The following LNX1 variants were observed in gnomAD, a reference collection of about 807,000 sequenced individuals.
The protein encoded by LNX1 is ligand of numb-protein X 1.
Under a neutral mutation model 68.4 loss-of-function variants are expected in LNX1, and 54 were observed. The observed-to-expected ratio is 0.79, with a 90% CI of 0.63 to 0.99. LNX1 has a LOEUF of 0.99. Among genes scored for constraint, LNX1 ranks in the 50% least tolerant of loss-of-function variants. The pLI is 0.00. For missense variants in LNX1, 906 were observed against 926.4 expected (o/e 0.98, Z 0.29); for synonymous variants, 336 against 350.0 (o/e 0.96, Z 0.45).
intron 2 of LNX1, among the ~76,000 whole-genome samples, chr4:53,536,278 A>T (rs1315722999): frequency 6.6e-6 from 1 of 152,158 alleles, no homozygotes; most frequent in Non-Finnish European, 1.5e-5. Flanking sequence ...AATTTCTTCC[A>T]GTGCCCAAAG....
chr4:53,466,013 T>C (rs1160877524), intron 9 of LNX1, among the ~76,000 whole-genome samples: 2 of 152,192 alleles, frequency 1.3e-5, no homozygotes, highest in Non-Finnish European at 2.9e-5. Context: ...TATTTTGGCT[T>C]TTTGTTTGTA....
intron 5 of LNX1, among the ~76,000 whole-genome samples, chr4:53,497,430 A>C (rs1725145277): frequency 6.6e-6 from 1 of 152,208 alleles, no homozygotes; most frequent in Non-Finnish European, 1.5e-5. Flanking sequence ...TTGAGGATAT[A>C]ATCACCTGTT....
chr4:53,464,887 T>G (rs774351314), intron 9 of LNX1, among the ~76,000 whole-genome samples: 1 of 152,130 alleles, frequency 6.6e-6, no homozygotes, highest in Non-Finnish European at 1.5e-5. Flanking sequence ...ATTTAAATTA[T>G]CTCTCAGTGA....
chr4:53,486,239 T>C (rs1724281686), intron 6 of LNX1, among the ~76,000 whole-genome samples: 1 of 152,122 alleles, frequency 6.6e-6, no homozygotes, highest in South Asian at 2.1e-4. Context: ...CCTCCGCTCC[T>C]GGCAGAGCAC....
intron 2 of LNX1, among the ~76,000 whole-genome samples, chr4:53,570,649 A>T (rs148874669): frequency 0.012 from 1,801 of 146,316 alleles, 31 homozygotes; most frequent in African/African-American, 0.042. Flanking sequence ...ATGTACCCTA[A>T]AACTTAAAGT....
At chr4:53,601,857 CTCAAAG>C (rs1733031012) in intron 2 of LNX1, among the ~76,000 whole-genome samples, 1 of 152,134 alleles carries the variant, frequency 6.6e-6, no homozygotes, top group African/African-American at 2.4e-5. Flanking sequence ...TGCCAGTCAT[CTCAAAG>C]TCAAACTCTC....
chr4:53,475,835 A>C (rs1723525302), intron 9 of LNX1, among the ~76,000 whole-genome samples: 1 of 152,226 alleles, frequency 6.6e-6, no homozygotes, highest in Admixed American at 6.5e-5. Context: ...CTAAAATGTC[A>C]CTAAAATGAC....
At chr4:53,616,996 C>G (rs1733704860) in intron 1 of LNX1, among the ~76,000 whole-genome samples, 1 of 152,176 alleles carries the variant, frequency 6.6e-6, no homozygotes, top group Admixed American at 6.5e-5. Context: ...ATCATTTGTA[C>G]TTCTCATTAG....
intron 5 of LNX1, 115 bp from the exon 6 acceptor site, chr4:53,496,509 A>G (rs2271559): frequency 0.37 from 480,032 of 1,286,858 alleles, 93,886 homozygotes; most frequent in South Asian, 0.6. Flanking sequence ...CTGCTCTCCC[A>G]CCTCATCCTG....
At chr4:53,466,084 CT>C (rs2150560064) in intron 9 of LNX1, among the ~76,000 whole-genome samples, 1 of 152,198 alleles carries the variant, frequency 6.6e-6, no homozygotes, top group African/African-American at 2.4e-5. Context: ...GGTTTTACTA[CT>C]TCACCAACAA....
intron 1 of LNX1, among the ~76,000 whole-genome samples, chr4:53,622,622 C>A: frequency 6.6e-6 from 1 of 152,102 alleles, no homozygotes; most frequent in East Asian, 1.9e-4. Flanking sequence ...CCTCTTATTA[C>A]AACAGGATAC....
chr4:53,622,406 C>T (rs1733916633), upstream of LNX1, among the ~76,000 whole-genome samples: 1 of 152,112 alleles, frequency 6.6e-6, no homozygotes. Context: ...GAACAGTAAA[C>T]CTCTGTTGCC....
At chr4:53,648,103 C>T (rs2109894434) in intron 1 of LNX1, among the ~76,000 whole-genome samples, 1 of 152,326 alleles carries the variant, frequency 6.6e-6, no homozygotes, top group East Asian at 1.9e-4. Context: ...ACTTTCAATT[C>T]TTTTGGGTAT....
chr4:53,626,143 C>T (rs1468474541), intron 1 of LNX1, among the ~76,000 whole-genome samples: 4 of 152,082 alleles, frequency 2.6e-5, no homozygotes, highest in African/African-American at 9.7e-5. Context: ...ACACAAAAGG[C>T]CACATGTCAC....
intron 2 of LNX1, among the ~76,000 whole-genome samples, chr4:53,555,605 G>T (rs1210940926): frequency 4.6e-5 from 7 of 152,084 alleles, no homozygotes; most frequent in Admixed American, 1.3e-4. Flanking sequence ...AATTCTTATT[G>T]CCTGGATTCC....
chr4:53,618,873 T>C (rs2109857318), upstream of LNX1, among the ~76,000 whole-genome samples: 1 of 152,342 alleles, frequency 6.6e-6, no homozygotes, highest in South Asian at 2.1e-4. Context: ...CAGGGTGTGT[T>C]TTACCTGCAC....
At chr4:53,602,184 G>C (rs1237605756) in intron 2 of LNX1, among the ~76,000 whole-genome samples, 7 of 152,152 alleles carry the variant, frequency 4.6e-5, no homozygotes, top group Non-Finnish European at 1.0e-4. Flanking sequence ...AGTGATAAGG[G>C]GATGGATCCA....
intron 1 of LNX1, among the ~76,000 whole-genome samples, chr4:53,582,325 G>C (rs1006336249): frequency 6.6e-6 from 1 of 152,290 alleles, no homozygotes; most frequent in Admixed American, 6.5e-5. Context: ...TTTGCTGAAG[G>C]GTTCACAAGG....
rs753035872 is a variant in LNX1 at position 53,481,812 on chromosome 4, G to A, written c.1393C>T (p.Arg465Trp). Residue 465 changes from arginine (R) to tryptophan (W), a missense_variant, in exon 7 of 11, where the codon CGG becomes TGG. Arg to Trp is a moderately radical substitution (Grantham distance 101). Coordinates refer to ENST00000263925, the MANE Select transcript of LNX1 (RefSeq NM_001126328.3). Reference sequence around the variant, plus strand: ...TGAAAGATGTCAGGGCTCCGCTGCCGAACCTGGCGGGACACGACGAGGTGA... The same window carrying A: ...TGAAAGATGTCAGGGCTCCGCTGCCAAACCTGGCGGGACACGACGAGGTGA... Reference protein sequence around the residue: ...RVHLVVSRQVRQRSPDIFQEA... With the variant: ...RVHLVVSRQVWQRSPDIFQEA... The A allele has an allele frequency of 1.1e-5, 17 of 1,612,664 alleles. 1 individual carries two copies. The highest frequency in any genetic ancestry group is 4.0e-5 in the African/African-American group (3 of 74,876).
Sources: allele counts gnomAD v4.1 joint callset (sites outside exome capture counted in the v4.1 genomes callset), GRCh38; gene constraint gnomAD v4.1.1; transcripts MANE v1.5; gene names NCBI Gene and HGNC (gene_info 2026-07-23, HGNC 2026-07-21).